Variants in TENM3 observed in about 807,000 individuals in gnomAD.
The protein encoded by TENM3 is teneurin-3.
Under a neutral mutation model 255.1 loss-of-function variants are expected in TENM3, and 63 were observed. The observed-to-expected ratio is 0.25, with a 90% CI of 0.20 to 0.30. The LOEUF (loss-of-function observed/expected upper bound fraction) is 0.30, where lower values mean the gene tolerates loss of function less well. Ranked by LOEUF, TENM3 falls within the 10% of genes least tolerant of loss-of-function variation. TENM3 has a pLI of 1.00. For missense variants in TENM3, 2,929 were observed against 3,461.1 expected, an observed-to-expected ratio of 0.85 and a Z score of 3.86; for synonymous variants, 1,306 against 1,322.3, an observed-to-expected ratio of 0.99 and a Z score of 0.27.
intron 16 of TENM3, among the ~76,000 whole-genome samples, chr4:182,735,535 A>G (rs1761098400): frequency 6.6e-6 from 1 of 152,228 alleles, no homozygotes; most frequent in Non-Finnish European, 1.5e-5. Flanking sequence ...AACATTGCTG[A>G]ACACTGAATC....
At chr4:182,565,256 C>T (rs1169003164) in intron 3 of TENM3, among the ~76,000 whole-genome samples, 1 of 152,094 alleles carries the variant, frequency 6.6e-6, no homozygotes, top group African/African-American at 2.4e-5. Flanking sequence ...GTTTAACACT[C>T]AAGATAATAG....
chr4:181,714,067 G>A, the TENM3 span, among the ~76,000 whole-genome samples: 1 of 152,114 alleles, frequency 6.6e-6, no homozygotes. Flanking sequence ...AGCATCCCCT[G>A]GGCATAGTGG....
intron 1 of TENM3, among the ~76,000 whole-genome samples, chr4:182,185,362 G>T (rs1753088331): frequency 6.6e-6 from 1 of 152,126 alleles, no homozygotes; most frequent in African/African-American, 2.4e-5. Flanking sequence ...TGTTTGAACA[G>T]AAACTGTTTT....
At chr4:181,696,131 CTAGTGGAAT>C in the TENM3 span, among the ~76,000 whole-genome samples, 2 of 152,116 alleles carry the variant, frequency 1.3e-5, no homozygotes, top group South Asian at 4.1e-4. Flanking sequence ...AATCGTAAGA[CTAGTGGAAT>C]TACATTCCAG....
At chr4:182,034,938 G>A in the TENM3 span, among the ~76,000 whole-genome samples, 1 of 152,090 alleles carries the variant, frequency 6.6e-6, no homozygotes, top group African/African-American at 2.4e-5. Flanking sequence ...TGTCTTGTTA[G>A]GTTGGGGAAG....
At chr4:181,588,770 G>A in the TENM3 span, among the ~76,000 whole-genome samples, 22 of 152,154 alleles carry the variant, frequency 1.4e-4, no homozygotes, top group Non-Finnish European at 2.8e-4. Flanking sequence ...AGCAAAATTA[G>A]CCTATTTTGA....
At chr4:182,135,673 C>T in the TENM3 span, among the ~76,000 whole-genome samples, 1 of 152,224 alleles carries the variant, frequency 6.6e-6, no homozygotes, top group Non-Finnish European at 1.5e-5. Flanking sequence ...CCACGAACTT[C>T]GTCGTAAGTA....
At chr4:181,615,766 C>T in the TENM3 span, among the ~76,000 whole-genome samples, 3 of 152,068 alleles carry the variant, frequency 2.0e-5, no homozygotes, top group Non-Finnish European at 4.4e-5. Flanking sequence ...TTGTGTTCGT[C>T]GTGATTGTGC....
the TENM3 span, among the ~76,000 whole-genome samples, chr4:181,549,168 C>A: frequency 6.6e-6 from 1 of 152,284 alleles, no homozygotes; most frequent in African/African-American, 2.4e-5. Context: ...CCCACCCCAA[C>A]CTACTGGCTG....
At chr4:182,726,769 C>T (rs1760228470) in intron 13 of TENM3, among the ~76,000 whole-genome samples, 1 of 152,130 alleles carries the variant, frequency 6.6e-6, no homozygotes, top group African/African-American at 2.4e-5. Context: ...GGCCTTCTCA[C>T]GTCTTGTTTC....
At chr4:182,276,444 A>G (rs1039232130) in intron 1 of TENM3, among the ~76,000 whole-genome samples, 5 of 152,222 alleles carry the variant, frequency 3.3e-5, no homozygotes, top group Admixed American at 6.5e-5. Flanking sequence ...GGTGTTGAAA[A>G]GAGCATAAGG....
the TENM3 span, among the ~76,000 whole-genome samples, chr4:181,696,172 T>G: frequency 6.6e-6 from 1 of 152,194 alleles, no homozygotes; most frequent in Non-Finnish European, 1.5e-5. Flanking sequence ...CATGAAGAAC[T>G]AATAACTTGA....
the TENM3 span, among the ~76,000 whole-genome samples, chr4:182,099,087 G>A: frequency 1.3e-4 from 19 of 148,796 alleles, 1 homozygote; most frequent in African/African-American, 4.0e-4. Context: ...TCAACCTCCC[G>A]AGTAGCTAGG....
At chr4:182,410,954 C>T (rs72699969) in intron 3 of TENM3, among the ~76,000 whole-genome samples, 12,170 of 152,186 alleles carry the variant, frequency 0.08, 798 homozygotes, top group East Asian at 0.22. Flanking sequence ...GTTCATGAAA[C>T]GAGCATATAT....
At chr4:182,552,763 G>A (rs1038828141) in intron 3 of TENM3, among the ~76,000 whole-genome samples, 3 of 152,216 alleles carry the variant, frequency 2.0e-5, no homozygotes, top group Non-Finnish European at 4.4e-5. Flanking sequence ...GGTTAGACTT[G>A]AGAGTCTAAG....
chr4:182,070,115 C>T, the TENM3 span, among the ~76,000 whole-genome samples: 1 of 152,122 alleles, frequency 6.6e-6, no homozygotes, highest in Non-Finnish European at 1.5e-5. Flanking sequence ...GCAAGAAATT[C>T]CAGGTGTCTG....
At chr4:182,444,691 C>A (rs1772767918) in intron 3 of TENM3, among the ~76,000 whole-genome samples, 1 of 152,160 alleles carries the variant, frequency 6.6e-6, no homozygotes, top group Admixed American at 6.5e-5. Flanking sequence ...CTTCTCAAAT[C>A]CACAAGTTAT....
In TENM3 at chr4:182,771,375, A is replaced by T. The variant is rs564945470; in HGVS notation, c.4893-2097A>T. On this transcript the variant is annotated intron_variant, in intron 22 of 27. Transcript: ENST00000511685. ...CTTTAAATCAGGCACTGTGATCTAC[A>T]GGAGGGCTAGTGGGCCTGGGGTCAG... Among the ~76,000 whole-genome samples, 3 of 152,258 alleles carry T rather than the reference A, an allele frequency of 2.0e-5. No homozygotes were observed. In the East Asian group the frequency reaches 5.8e-4, roughly 29 times the overall value.
At chr4:182,434,091 G>C (rs960495963) in intron 3 of TENM3, among the ~76,000 whole-genome samples, 1 of 151,540 alleles carries the variant, frequency 6.6e-6, no homozygotes, top group African/African-American at 2.4e-5. Flanking sequence ...TCTAGCCTGG[G>C]TGACAGAACA....
Sources: gnomAD v4.1 joint callset for allele counts (sites outside exome capture counted in the v4.1 genomes callset) on GRCh38, gnomAD v4.1.1 for gene constraint, MANE v1.5 for transcripts, NCBI Gene and HGNC (gene_info 2026-07-23, HGNC 2026-07-21) for gene names.